The following SOCS5 variants were observed in gnomAD, a reference collection of about 807,000 sequenced individuals.
The protein encoded by SOCS5 is CIS-6.
SOCS5 carries 32 observed loss-of-function variants against 42.8 expected under a neutral mutation model. The ratio of observed to expected loss-of-function variants is 0.75; its 90% CI spans 0.56 to 1.01. The LOEUF (loss-of-function observed/expected upper bound fraction) is 1.01, where lower values mean the gene tolerates loss of function less well. Among genes scored for constraint, SOCS5 ranks in the 50% least tolerant of loss-of-function variants. The pLI is 0.00. For synonymous variants in SOCS5, 283 were observed against 229.6 expected, an observed-to-expected ratio of 1.23 and a Z score of -2.10; for missense variants, 627 against 653.0, an observed-to-expected ratio of 0.96 and a Z score of 0.43.
chr2:46,723,873 A>G (rs1166042226), intron 1 of SOCS5, among the ~76,000 whole-genome samples: 1 of 152,002 alleles, frequency 6.6e-6, no homozygotes, highest in African/African-American at 2.4e-5. Context: ...TGACATCTTT[A>G]CTGTGTTGAG....
chr2:46,722,180 T>C (rs527519960), intron 1 of SOCS5, among the ~76,000 whole-genome samples: 3 of 152,284 alleles, frequency 2.0e-5, no homozygotes, highest in East Asian at 1.9e-4. Flanking sequence ...TTGAAAGATA[T>C]GCTTGTTTCT....
chr2:46,725,795 A>G (rs990248837), intron 1 of SOCS5, among the ~76,000 whole-genome samples: 3 of 151,974 alleles, frequency 2.0e-5, no homozygotes, highest in Non-Finnish European at 4.4e-5. Flanking sequence ...ACTCCTTCAG[A>G]GTGGATCTGC....
At position 46,758,718 on chromosome 2, in the gene SOCS5, T is replaced by C. The variant is rs1358232153; in HGVS notation, c.188T>C (p.Ile63Thr). ...QQQSSPLREN[I>T]ALQLGLSPSK... Reference sequence around the variant, plus strand: ...CAAAGCAGTCCCTTAAGAGAAAATATTGCCTTACAACTGGGATTAAGCCCT... The same window carrying C: ...CAAAGCAGTCCCTTAAGAGAAAATACTGCCTTACAACTGGGATTAAGCCCT... The change falls in exon 2 of 2, where the codon ATT becomes ACT. Residue 63 changes from isoleucine to threonine, a missense_variant. Coordinates refer to ENST00000394861, the MANE Select transcript of SOCS5 (RefSeq NM_144949.3). 3 of 1,614,150 alleles carry C rather than the reference T, an allele frequency of 1.9e-6. No individual in the cohort carries two copies. The highest frequency in any genetic ancestry group is 2.5e-6 in the Non-Finnish European group (3 of 1,180,008).
At chr2:46,720,919 A>G (rs1251311825) in intron 1 of SOCS5, among the ~76,000 whole-genome samples, 1 of 152,148 alleles carries the variant, frequency 6.6e-6, no homozygotes, top group Non-Finnish European at 1.5e-5. Context: ...GCAGTATTGA[A>G]TTAAGCAGCA....
intron 1 of SOCS5, 65 bp from the exon 2 acceptor site, chr2:46,758,454 C>T (rs1466142961): frequency 5.3e-6 from 6 of 1,139,370 alleles, no homozygotes. Context: ...GTGGGCACTG[C>T]CTTAGCTACC....
In SOCS5 at chr2:46,699,748, G is replaced by C. The variant is rs576968120; in HGVS notation, c.-13+299G>C. ...GTTTTTCTGGTTGGAGGAACGTGGG[G>C]TTCCTAAGGGGAAGGGGGTCGTCCG... On this transcript the variant is annotated intron_variant, in intron 1 of 1. Coordinates refer to ENST00000394861, the MANE Select transcript of SOCS5 (RefSeq NM_144949.3). This position sits in a 1 kb window ranked among gnomAD's most constrained non-coding sequence, Gnocchi z 4.8. Among the ~76,000 whole-genome samples the C allele has an allele frequency of 6.6e-6, 1 of 152,284 alleles. No individual in the cohort carries two copies. Among genetic ancestry groups the C allele is most frequent in the South Asian group, 2.1e-4 (1 of 4,824 alleles).
intron 1 of SOCS5, among the ~76,000 whole-genome samples, chr2:46,733,558 G>T (rs1430701604): frequency 2.5e-5 from 3 of 119,252 alleles, no homozygotes; most frequent in Non-Finnish European, 4.9e-5. Flanking sequence ...GTGAAACTGA[G>T]ACCCTGTCTC....
At chr2:46,718,386 G>A (rs1218408638) in intron 1 of SOCS5, among the ~76,000 whole-genome samples, 1 of 151,730 alleles carries the variant, frequency 6.6e-6, no homozygotes. Flanking sequence ...TTAGACTATG[G>A]CTTTATTTTT....
At chr2:46,755,861 G>A (rs562062073) in intron 1 of SOCS5, among the ~76,000 whole-genome samples, 1 of 152,150 alleles carries the variant, frequency 6.6e-6, no homozygotes, top group African/African-American at 2.4e-5. Context: ...TTGTTATGTC[G>A]ACTAGTCTGT....
intron 1 of SOCS5, among the ~76,000 whole-genome samples, chr2:46,712,524 A>G (rs1189335483): frequency 2.6e-5 from 4 of 151,932 alleles, no homozygotes; most frequent in Admixed American, 1.3e-4. Flanking sequence ...TTGTATTTTT[A>G]GTAAAGACAG....
At chr2:46,699,272 C>T (rs1672286943), upstream of SOCS5, 1 of 152,278 alleles carries the variant, frequency 6.6e-6, no homozygotes, top group African/African-American at 2.4e-5. This position sits in a 1 kb window ranked among gnomAD's most constrained non-coding sequence, Gnocchi z 4.8. Context: ...GGGCATCCGG[C>T]GGAGCTGGGG....
chr2:46,746,450 G>C (rs1261521710), intron 1 of SOCS5, among the ~76,000 whole-genome samples: 1 of 152,090 alleles, frequency 6.6e-6, no homozygotes, highest in Non-Finnish European at 1.5e-5. Context: ...AGGAGATTGA[G>C]ACCATCCTGG....
chr2:46,759,579 A>G lies in SOCS5; in HGVS notation c.1049A>G (p.His350Arg). The G allele has an allele frequency of 6.2e-7, 1 of 1,613,954 alleles. No homozygotes were observed. The change falls in exon 2 of 2, where the codon CAT becomes CGT. Residue 350 changes from histidine (H) to arginine (R), a missense_variant. Coordinates refer to ENST00000394861, the MANE Select transcript of SOCS5 (RefSeq NM_144949.3). ...QRQISGDSHT[H>R]VSRQGAWKVH... The stretch of plus-strand genomic sequence containing the variant: ...CAGATATCTGGAGACAGCCATACCC[A>G]TGTTAGCAGACAGGGAGCTTGGAAA...
At chr2:46,720,756 T>C (rs1672860513) in intron 1 of SOCS5, among the ~76,000 whole-genome samples, 1 of 152,120 alleles carries the variant, frequency 6.6e-6, no homozygotes, top group Non-Finnish European at 1.5e-5. Flanking sequence ...TGATGCATCA[T>C]AGGGGGTCCC....
chr2:46,730,730 G>T (rs531083237), intron 1 of SOCS5, among the ~76,000 whole-genome samples: 43 of 152,234 alleles, frequency 2.8e-4, no homozygotes, highest in Admixed American at 2.4e-3. Context: ...CTTGCTAATT[G>T]ATGGGAAAAA....
rs551539003 is a variant in SOCS5, at chr2:46,744,479, G to T, written c.-12-14040G>T. On this transcript the variant is annotated intron_variant, in intron 1 of 1. Coordinates refer to ENST00000394861, the MANE Select transcript of SOCS5 (RefSeq NM_144949.3). ...ATTACAGTTAGAACATAGAAAATCA[G>T]TGTGGGTGGTGAGATATTTCCAAAC... is the stretch of plus-strand genomic sequence containing the variant. Among the ~76,000 whole-genome samples, 32 of 152,070 alleles carry T rather than the reference G, an allele frequency of 2.1e-4. 1 individual carries two copies. The highest frequency in any genetic ancestry group is 3.4e-3 in the Middle Eastern group (1 of 292).
At chr2:46,735,673 T>G (rs1308087769) in intron 1 of SOCS5, among the ~76,000 whole-genome samples, 1 of 152,098 alleles carries the variant, frequency 6.6e-6, no homozygotes, top group East Asian at 1.9e-4. Flanking sequence ...ATGTTCATAC[T>G]TGTTGAATGA....
In SOCS5 at chr2:46,760,285, G is replaced by A; in HGVS notation, c.*144G>A. 1.6e-6 allele frequency: 1 copy of A among 634,922 alleles called. No homozygotes were observed. 39.3% of individuals were successfully genotyped at this position (634,922 alleles called of 1,614,324 possible). A position where few individuals can be genotyped will look rare whatever the true frequency, so the allele number is the denominator to read the frequency against. On this transcript the variant is annotated 3_prime_UTR_variant, in exon 2 of 2. Coordinates refer to ENST00000394861, the MANE Select transcript of SOCS5 (RefSeq NM_144949.3). ...TAGTATCTGTCAGATGCTACCTGCT[G>A]TTACTTATTCAGATAAACATGGTGC... is the stretch of plus-strand genomic sequence containing the variant.
Position 46,753,965 on chromosome 2 carries a change from T to G in SOCS5, c.-12-4554T>G, listed in dbSNP as rs576936103. ...TCATCTGGTTTTGGTGGGTTTTAAC[T>G]GGCTTCTTTAACACAATCTGTGTTT... On this transcript the variant is annotated intron_variant, in intron 1 of 1. Coordinates refer to ENST00000394861, the MANE Select transcript of SOCS5 (RefSeq NM_144949.3). 8.5e-5 allele frequency among the ~76,000 whole-genome samples: 13 copies of G among 152,334 alleles called. No individual in the cohort carries two copies. In the South Asian group the frequency reaches 2.7e-3, roughly 32 times the overall value.
Sources: gnomAD v4.1 joint callset for allele counts (sites outside exome capture counted in the v4.1 genomes callset) on GRCh38, gnomAD v4.1.1 for gene constraint, Gnocchi (gnomAD v3.1) non-coding constraint, MANE v1.5 for transcripts, NCBI Gene and HGNC (gene_info 2026-07-23, HGNC 2026-07-21) for gene names.